The following TUBB8 variants were observed in gnomAD, a reference collection of about 807,000 sequenced individuals.
TUBB8 encodes the protein tubulin beta-8 chain.
In TUBB8, 25 loss-of-function variants were observed where a neutral mutation model predicts 33.7. The observed-to-expected ratio is 0.74, with a 90% CI of 0.54 to 1.04. TUBB8 has a LOEUF of 1.04. TUBB8 is among the 50% of genes least tolerant of loss of function. The pLI is 0.00. For synonymous variants in TUBB8, 245 were observed against 240.1 expected (o/e 1.02, Z -0.19); for missense variants, 279 against 608.0 (o/e 0.46, Z 5.69).
intron 1 of TUBB8, among the ~76,000 whole-genome samples, chr10:56,777 C>G (rs1470735650): frequency 2.0e-5 from 3 of 152,188 alleles, no homozygotes; most frequent in Admixed American, 6.5e-5. Context: ...CACACCTAAA[C>G]TATATCATTT....
Position 47,237 on chromosome 10 carries a change from A to G in TUBB8, c.1155T>C (p.Phe385=), listed in dbSNP as rs542247288. ...AGGCCTTGCGCCTGAACATTGCTGT[A>G]AACTGCTCTGAGACACGCTTGAAGA... ...QELFKRVSEQ[F]TAMFRRKAFL... Residue 385 remains phenylalanine (F), a synonymous_variant, in exon 4 of 4, where the codon TTT becomes TTC. Transcript: ENST00000568584. 14 of 1,606,324 alleles carry G rather than the reference A, an allele frequency of 8.7e-6. No individual in the cohort carries two copies. Among genetic ancestry groups the G allele is most frequent in the Admixed American group, 1.7e-5 (1 of 59,648 alleles).
upstream of TUBB8, among the ~76,000 whole-genome samples, chr10:50,550 G>A (rs1834454329): frequency 6.6e-6 from 1 of 152,094 alleles, no homozygotes; most frequent in Admixed American, 6.5e-5. Flanking sequence ...GATGTCCTCT[G>A]CAATTAATTA....
At chr10:49,396 A>T (rs1834435080), upstream of TUBB8, 1 of 754,752 alleles carries the variant, frequency 1.3e-6, no homozygotes. Flanking sequence ...ACTTCCACAC[A>T]GGTGCACCCA....
chr10:73,780 A>T (rs1286560135), intron 1 of TUBB8, among the ~76,000 whole-genome samples: 3 of 151,620 alleles, frequency 2.0e-5, no homozygotes, highest in Non-Finnish European at 4.4e-5. Context: ...TCCCGGTACC[A>T]GGGTCTCTCC....
chr10:48,294 T>G (rs1834396835), intron 3 of TUBB8, 180 bp from the exon 4 acceptor site: 1 of 751,230 alleles, frequency 1.3e-6, no homozygotes, highest in Non-Finnish European at 2.3e-6. Flanking sequence ...TGTTAGGAAT[T>G]AAGACAGGAG....
intron 1 of TUBB8, among the ~76,000 whole-genome samples, chr10:64,940 C>T (rs1488335304): frequency 2.0e-5 from 3 of 146,674 alleles, no homozygotes; most frequent in Non-Finnish European, 4.5e-5. Flanking sequence ...AGCTTGAGAC[C>T]AGCCTGGTCA....
chr10:70,453 T>G (rs1331737117), intron 1 of TUBB8, among the ~76,000 whole-genome samples: 2 of 151,488 alleles, frequency 1.3e-5, no homozygotes, highest in African/African-American at 4.9e-5. Flanking sequence ...CCCACAACAG[T>G]CCCCAGATAT....
chr10:48,979 ACC>A, intron 1 of TUBB8, 67 bp from the exon 2 acceptor site: 1 of 752,186 alleles, frequency 1.3e-6, no homozygotes. Flanking sequence ...CCGCTCTCCC[ACC>A]CCCACCCTCA....
chr10:55,142 C>T (rs1208520990), intron 1 of TUBB8, among the ~76,000 whole-genome samples: 20 of 152,172 alleles, frequency 1.3e-4, no homozygotes, highest in South Asian at 4.1e-4. Context: ...ACAGTCATGG[C>T]GGACGAGGAA....
Position 67,191 on chromosome 10 carries a change from C to T in TUBB8, c.-846+6778G>A, listed in dbSNP as rs1219443919. Among the ~76,000 whole-genome samples the T allele has an allele frequency of 7.5e-5, 11 of 147,394 alleles. No individual in the cohort carries two copies. The East Asian group carries it at 2.2e-3, about 30-fold the overall frequency. ...TGACACTATTTTGGCTATTCTGCAT[C>T]CCTTGATATTTCGTATAAATGACAG... On this transcript the variant is annotated intron_variant, in intron 1 of 3. Transcript: ENST00000564130.
At chr10:61,663 G>A (rs1160601623) in intron 1 of TUBB8, among the ~76,000 whole-genome samples, 6 of 152,184 alleles carry the variant, frequency 3.9e-5, no homozygotes, top group African/African-American at 1.2e-4. Context: ...TTGATTTTCT[G>A]TCTGGAAGGT....
At position 48,905 on chromosome 10, in the gene TUBB8, T is replaced by C. The variant is rs1156426805; in HGVS notation, c.65A>G (p.Glu22Gly). The change falls in exon 2 of 4, where the codon GAG becomes GGG. Residue 22 changes from glutamate to glycine, a missense_variant. Physicochemically the swap from Glu to Gly is moderately conservative, Grantham distance 98. Coordinates refer to ENST00000568584, the MANE Select transcript of TUBB8 (RefSeq NM_177987.3). ...GATGGCATGTTCATCAGAGATCACCTCCCAGAACTGCAAGAGACGGGAGGA... is the reference window on the plus strand; with the variant it reads ...GATGGCATGTTCATCAGAGATCACCCCCCAGAACTGCAAGAGACGGGAGGA... ...CGNQIGAKFWEVISDEHAIDS... is the reference protein window; with the variant it reads ...CGNQIGAKFWGVISDEHAIDS... The C allele has an allele frequency of 1.3e-6, 2 of 1,538,290 alleles. No homozygotes were observed. The highest frequency in any genetic ancestry group is 2.7e-5 in the African/African-American group (2 of 73,056).
intron 1 of TUBB8, among the ~76,000 whole-genome samples, chr10:64,642 T>C (rs75542915): frequency 0.095 from 10,349 of 109,224 alleles, no homozygotes; most frequent in African/African-American, 0.22. Flanking sequence ...GAGGTGTGCA[T>C]ATTCATTCTG....
In TUBB8 at chr10:47,783, A is replaced by G; in HGVS notation, c.609T>C (p.Asp203=). The part of the protein sequence containing the change: ...IENADETFCI[D]NEALYDICSK... ...AACATATGTCATACAGAGCTTCGTT[A>G]TCTATGCAAAAGGTCTCATCTGCGT... The change falls in exon 4 of 4, where the codon GAT becomes GAC. Residue 203 remains aspartate (D), a synonymous_variant. Transcript: ENST00000568584. 6.2e-7 allele frequency: 1 copy of G among 1,614,162 alleles called. No homozygotes were observed. The highest frequency in any genetic ancestry group is 1.1e-5 in the South Asian group (1 of 91,088).
At chr10:73,043 G>C (rs1554742566) in intron 1 of TUBB8, among the ~76,000 whole-genome samples, 1 of 151,822 alleles carries the variant, frequency 6.6e-6, no homozygotes, top group Non-Finnish European at 1.5e-5. Context: ...GCTTGATATA[G>C]TTAATACATT....
chr10:49,057 G>A lies in TUBB8; in HGVS notation c.57+125C>T, dbSNP rs547100867. ...ACCCCGGCCGCCTCGCCAGCCACCC[G>A]GTTCCACCGTCCCCGGCAGGGAGCC... On this transcript the variant is annotated intron_variant, in intron 1 of 3. Coordinates refer to ENST00000568584, the MANE Select transcript of TUBB8 (RefSeq NM_177987.3). 8.5e-5 allele frequency: 95 copies of A among 1,115,986 alleles called. No individual in the cohort carries two copies. In the Middle Eastern group the frequency reaches 2.2e-3, roughly 26 times the overall value. The allele number at this position is 1,115,986 out of a possible 1,614,324, so 69.1% of individuals were successfully genotyped here. A position where few individuals can be genotyped will look rare whatever the true frequency, so the allele number is the denominator to read the frequency against.
chr10:52,716 A>T (rs1216918979), upstream of TUBB8, among the ~76,000 whole-genome samples: 13 of 152,240 alleles, frequency 8.5e-5, no homozygotes, highest in African/African-American at 3.1e-4. Flanking sequence ...GCTTGGTGGA[A>T]GATGTCTTGT....
At chr10:60,086 T>A (rs1834578889) in intron 1 of TUBB8, among the ~76,000 whole-genome samples, 1 of 152,216 alleles carries the variant, frequency 6.6e-6, no homozygotes, top group Non-Finnish European at 1.5e-5. Flanking sequence ...TTCATTGATC[T>A]TTTGCACTGT....
At chr10:53,393 G>A (rs574210328), upstream of TUBB8, among the ~76,000 whole-genome samples, 3 of 152,340 alleles carry the variant, frequency 2.0e-5, no homozygotes, top group South Asian at 6.2e-4. Flanking sequence ...CTCCCAAATT[G>A]CTGGGATTAC....
Sources: allele counts gnomAD v4.1 joint callset (sites outside exome capture counted in the v4.1 genomes callset), GRCh38; gene constraint gnomAD v4.1.1; transcripts MANE v1.5; gene names NCBI Gene and HGNC (gene_info 2026-07-23, HGNC 2026-07-21).